The following ARAP3 variants were observed in gnomAD, a reference collection of about 807,000 sequenced individuals.
ARAP3 encodes the protein arf-GAP with Rho-GAP domain, ANK repeat and PH domain-containing protein 3.
ARAP3 carries 82 observed loss-of-function variants against 169.2 expected under a neutral mutation model. The observed-to-expected ratio is 0.48, with a 90% CI of 0.41 to 0.58. The LOEUF (loss-of-function observed/expected upper bound fraction) is 0.58, where lower values mean the gene tolerates loss of function less well. ARAP3 is among the 20% of genes least tolerant of loss of function. The pLI is 0.00. For missense variants in ARAP3, 1,764 were observed against 2,018.0 expected, an observed-to-expected ratio of 0.87 and a Z score of 2.41; for synonymous variants, 791 against 800.3, an observed-to-expected ratio of 0.99 and a Z score of 0.20.
chr5:141,671,555 C>T lies in ARAP3; in HGVS notation c.1854+15G>A, dbSNP rs1288872564. 1 of 1,613,696 alleles carries T rather than the reference C, an allele frequency of 6.2e-7. No individual in the cohort carries two copies. Among genetic ancestry groups the T allele is most frequent in the Admixed American group, 1.7e-5 (1 of 60,010 alleles). On this transcript the variant is annotated intron_variant, in intron 12 of 32. Coordinates refer to ENST00000239440, the MANE Select transcript of ARAP3 (RefSeq NM_022481.6). The surrounding 1 kb of genome is among the most constrained non-coding windows in gnomAD (Gnocchi z 4.9). Reference sequence around the variant, plus strand: ...ACCCCCCCACCCCAGATCACCCCTGCTCTGTCCCTCCTACCTGGAGAAGCT... The same window carrying T: ...ACCCCCCCACCCCAGATCACCCCTGTTCTGTCCCTCCTACCTGGAGAAGCT...
intron 16 of ARAP3, among the ~76,000 whole-genome samples, chr5:141,669,480 C>T (rs2099911139): frequency 1.3e-5 from 2 of 152,192 alleles, no homozygotes. Flanking sequence ...TTCGTAAACT[C>T]TAAAACTTAG....
chr5:141,655,258 A>ACACACACACACACACACACACC (rs1491503001), intron 32 of ARAP3, 104 bp downstream of exon 32: 1 of 1,108,140 alleles, frequency 9.0e-7, no homozygotes, highest in African/African-American at 1.9e-5. Context: ...ACACACACAC[A>ACACACACACACACACACACACC]CCCCCTGATG....
At position 141,672,874 on chromosome 5, in the gene ARAP3, C is replaced by T. The variant is rs766075887; in HGVS notation, c.1145G>A (p.Arg382His). The change falls in exon 8 of 33, where the codon CGC becomes CAC. Residue 382 changes from arginine to histidine, a missense_variant. Arg to His is a conservative substitution (Grantham distance 29). Around this residue, in one of 3 missense-constraint regions of ARAP3, gnomAD observed 630 missense variants for 678.7 expected, o/e 0.93. Transcript: ENST00000239440. This position sits in a 1 kb window ranked among gnomAD's most constrained non-coding sequence, Gnocchi z 4.9. Reference sequence around the variant, plus strand: ...GGGGGGCCGGGGGTGGCCCAGGAGGCGCTGCTCCTTCAGACAGGACTGCAG... The same window carrying T: ...GGGGGGCCGGGGGTGGCCCAGGAGGTGCTGCTCCTTCAGACAGGACTGCAG... ...STLQSCLKEQ[R>H]LLGHPRPPQP... 18 of 1,606,164 alleles carry T rather than the reference C, an allele frequency of 1.1e-5. No individual in the cohort carries two copies. The highest frequency in any genetic ancestry group is 1.7e-4 in the Middle Eastern group (1 of 6,006).
At chr5:141,659,979 C>T (rs926866462) in intron 21 of ARAP3, 53 bp from the exon 22 acceptor site, 3 of 1,516,390 alleles carry the variant, frequency 2.0e-6, no homozygotes, top group Non-Finnish European at 2.7e-6. Context: ...TCAGCAAACA[C>T]TTATTGAGTC....
chr5:141,666,756 A>C, intron 16 of ARAP3, 113 bp from the exon 17 acceptor site: 1 of 485,728 alleles, frequency 2.1e-6, no homozygotes, highest in Non-Finnish European at 3.4e-6. Context: ...CATGAAGAGA[A>C]AGCAGAAGAA....
At chr5:141,681,339 G>T (rs1294330238) in intron 1 of ARAP3, among the ~76,000 whole-genome samples, 1 of 152,160 alleles carries the variant, frequency 6.6e-6, no homozygotes, top group Non-Finnish European at 1.5e-5. Flanking sequence ...GCCCTGTAGC[G>T]ATTTGGCAGT....
intron 25 of ARAP3, among the ~76,000 whole-genome samples, chr5:141,657,823 T>C (rs2099909444): frequency 6.6e-6 from 1 of 152,142 alleles, no homozygotes; most frequent in Non-Finnish European, 1.5e-5. Flanking sequence ...GAGAATGGCC[T>C]AGGCTTTTTT....
At position 141,672,174 on chromosome 5, in the gene ARAP3, C is replaced by T. The variant is rs2154599082; in HGVS notation, c.1513G>A (p.Ala505Thr). ...TCTGGGCGGGAGGACCCACAGTCCG[C>T]ACACTGCCGGTTGGCCCGATTAGAC... ...IWSNRANRQC[A>T]DCGSSRPDWA... The change falls in exon 10 of 33, where the codon GCG (alanine) becomes ACG (threonine). Residue 505 changes from alanine to threonine, a missense_variant. Ala to Thr is a moderately conservative substitution (Grantham distance 58, BLOSUM62 0). Transcript: ENST00000239440. The surrounding 1 kb of genome is among the most constrained non-coding windows in gnomAD (Gnocchi z 4.9). 1 of 1,614,184 alleles carries T rather than the reference C, an allele frequency of 6.2e-7. No homozygotes were observed. Among genetic ancestry groups the T allele is most frequent in the Non-Finnish European group, 8.5e-7 (1 of 1,180,026 alleles).
chr5:141,673,628 C>T lies in ARAP3; in HGVS notation c.879G>A (p.Trp293Ter), dbSNP rs1275397454. The change falls in exon 5 of 33, where the codon TGG (tryptophan) becomes TGA (stop). Residue 293 changes from tryptophan (W) to a stop codon, truncating the protein, a stop_gained. Coordinates refer to ENST00000239440, the MANE Select transcript of ARAP3 (RefSeq NM_022481.6). LOFTEE classifies it high-confidence loss of function. ...ACCCCTGAGGGGAGAGCTTGTCTAGCCAGCCACTGAGCAGGGGCGTGAGGC... is the reference window on the plus strand; with the variant it reads ...ACCCCTGAGGGGAGAGCTTGTCTAGTCAGCCACTGAGCAGGGGCGTGAGGC... ...ADRLTPLLSG[W>*]LDKLSPQGNY... 6.2e-7 allele frequency: 1 copy of T among 1,614,030 alleles called. No homozygotes were observed. The highest frequency in any genetic ancestry group is 1.7e-5 in the Admixed American group (1 of 60,026).
rs139433211 is a variant in ARAP3 at position 141,680,003 on chromosome 5, C to T, written c.484G>A (p.Gly162Ser). The T allele has an allele frequency of 8.3e-4, 1,344 of 1,614,126 alleles. 4 individuals carry two copies. In the African/African-American group the frequency reaches 0.011, roughly 13 times the overall value. The change falls in exon 2 of 33, where the codon GGC (glycine) becomes AGC (serine). Residue 162 changes from glycine (G) to serine (S), a missense_variant. By Grantham distance (56) the Gly-to-Ser change is moderately conservative (BLOSUM62 0). This residue lies in a region of ARAP3 where 630 missense variants were observed against 678.7 expected (regional missense o/e 0.93). Coordinates refer to ENST00000239440, the MANE Select transcript of ARAP3 (RefSeq NM_022481.6). ...VEMMPNSIYF[G>S]LDSRGRAQAA... ...TGTGCCCTGCCTCTTGAGTCCAGGC[C>T]GAAGTAGATGGAATTAGGCATCATC...
chr5:141,680,126 C>T lies in ARAP3; in HGVS notation c.361G>A (p.Gly121Arg), dbSNP rs149980057. The change falls in exon 2 of 33, where the codon GGG becomes AGG. Residue 121 changes from glycine to arginine, a missense_variant. Gly to Arg is a moderately radical substitution (Grantham distance 125). Around this residue, in one of 3 missense-constraint regions of ARAP3, gnomAD observed 630 missense variants for 678.7 expected, o/e 0.93. Coordinates refer to ENST00000239440, the MANE Select transcript of ARAP3 (RefSeq NM_022481.6). ...GGGCTCCTGGACACTCCTGGTCCCC[C>T]GAGGGCTGGGCTCAGCCCAGGTCTC... The part of the protein sequence containing the change: ...TQRPGLSPAL[G>R]GPGVSRSPEP... 3.5e-5 allele frequency: 57 copies of T among 1,611,420 alleles called. No individual in the cohort carries two copies. The African/African-American group carries it at 3.9e-4, about 11-fold the overall frequency.
In ARAP3 at chr5:141,671,206, A is replaced by G. The variant is rs1596489103; in HGVS notation, c.1990+59T>C. ...AATTGGGGCCCCTTGGAAGAACTGAATCATAGGTTGGGTCTGAGAATTCCT... is the reference window on the plus strand; with the variant it reads ...AATTGGGGCCCCTTGGAAGAACTGAGTCATAGGTTGGGTCTGAGAATTCCT... On this transcript the variant is annotated intron_variant, in intron 13 of 32. Transcript: ENST00000239440. The surrounding 1 kb of genome is among the most constrained non-coding windows in gnomAD (Gnocchi z 4.9). 11 of 1,537,642 alleles carry G rather than the reference A, an allele frequency of 7.2e-6. No individual in the cohort carries two copies. The East Asian group carries it at 2.5e-4, about 35-fold the overall frequency.
intron 32 of ARAP3, 59 bp downstream of exon 32, chr5:141,655,303 G>T: frequency 6.5e-7 from 1 of 1,547,084 alleles, no homozygotes; most frequent in Non-Finnish European, 8.7e-7. Context: ...CCGGGGCTCA[G>T]GCAGCACAGA....
rs529769096 is a variant in ARAP3 at position 141,672,984 on chromosome 5, G to A, written c.1093+29C>T. On this transcript the variant is annotated intron_variant, in intron 7 of 32. Transcript: ENST00000239440. This position sits in a 1 kb window ranked among gnomAD's most constrained non-coding sequence, Gnocchi z 4.9. ...TGCTCACACAGCCTCCCTCCCTCCT[G>A]CCCTGACTCAGGGGGCTGTGGCCCT... The A allele has an allele frequency of 1.2e-6, 2 of 1,614,008 alleles. No individual in the cohort carries two copies. Among genetic ancestry groups the A allele is most frequent in the Non-Finnish European group, 1.7e-6 (2 of 1,179,962 alleles).
rs752016514 is a variant in ARAP3 at position 141,659,818 on chromosome 5, C to T, written c.3228G>A (p.Val1076=). The T allele has an allele frequency of 6.8e-6, 11 of 1,612,646 alleles. No homozygotes were observed. The South Asian group carries it at 1.2e-4, about 18-fold the overall frequency. The change falls in exon 22 of 33, where the codon GTG becomes GTA. Residue 1076 remains valine (V), a synonymous_variant. Transcript: ENST00000239440. ...TDGRGEHEVR[V]LQELIDGYIS... ...TGTAGCCATCAATGAGCTCTTGCAG[C>T]ACTCGCACCTCGTGCTCCCCTCGCC...
intron 4 of ARAP3, 122 bp from the exon 5 acceptor site, chr5:141,673,930 ATTTTCTTTTCTTTTTC>A: frequency 3.9e-6 from 2 of 508,052 alleles, no homozygotes; most frequent in South Asian, 4.3e-5. Flanking sequence ...ACTGGATCTG[ATTTTCTTTTCTTTTTC>A]TTTTCTTTTC....
rs564907925 is a variant in ARAP3 at position 141,672,310 on chromosome 5, T to C, written c.1386-9A>G. On this transcript the variant is annotated splice_polypyrimidine_tract_variant and intron_variant, in intron 9 of 32. Transcript: ENST00000239440. This position sits in a 1 kb window ranked among gnomAD's most constrained non-coding sequence, Gnocchi z 4.9. The stretch of plus-strand genomic sequence containing the variant: ...CAGACTCGGCTGTGAAGCTGAGGGG[T>C]GGACAGCCAGTCCATGGGCATGGAC... 6.2e-6 allele frequency: 10 copies of C among 1,613,660 alleles called. 1 individual carries two copies. In the South Asian group the frequency reaches 1.1e-4, roughly 18 times the overall value.
At position 141,671,855 on chromosome 5, in the gene ARAP3, C is replaced by T. The variant is rs899410318; in HGVS notation, c.1671+40G>A. The T allele has an allele frequency of 2.5e-6, 4 of 1,613,772 alleles. No homozygotes were observed. The highest frequency in any genetic ancestry group is 1.6e-4 in the Middle Eastern group (1 of 6,082). On this transcript the variant is annotated intron_variant, in intron 11 of 32. Coordinates refer to ENST00000239440, the MANE Select transcript of ARAP3 (RefSeq NM_022481.6). The surrounding 1 kb of genome is among the most constrained non-coding windows in gnomAD (Gnocchi z 4.9). ...GCCCAAGGCCTGCTTCTGGACGCTC[C>T]CTTCTACGCCTCCCACCTTCTCCCT...
At position 141,662,298 on chromosome 5, in the gene ARAP3, TACCACC is replaced by T. The variant is rs780324027; in HGVS notation, c.2801-49_2801-44del. 8.1e-5 allele frequency: 129 copies of T among 1,598,438 alleles called. 1 individual carries two copies. The highest frequency in any genetic ancestry group is 2.2e-5 in the Non-Finnish European group (26 of 1,168,060). On this transcript the variant is annotated intron_variant, in intron 19 of 32. Transcript: ENST00000239440. ...TCTCTGCTCACCATGGTGCAAAGGC[TACCACC>T]ACCCACCACGGCCCATCTGTGGCCT...
Sources: allele counts gnomAD v4.1 joint callset (sites outside exome capture counted in the v4.1 genomes callset), GRCh38; gene constraint gnomAD v4.1.1; regional missense constraint gnomAD v4.1.1; non-coding constraint Gnocchi (gnomAD v3.1); transcripts MANE v1.5; gene names NCBI Gene and HGNC (gene_info 2026-07-23, HGNC 2026-07-21).